HPSE: variants seen among roughly 807,000 people sequenced by gnomAD.
The protein encoded by HPSE is endo-glucoronidase.
HPSE carries 48 observed loss-of-function variants against 65.1 expected under a neutral mutation model. The observed-to-expected ratio is 0.74, with a 90% CI of 0.58 to 0.94. HPSE has a LOEUF of 0.94. HPSE is among the 40% of genes least tolerant of loss of function. The pLI, the probability that HPSE is intolerant of heterozygous loss-of-function variation, is 0.00. For synonymous variants in HPSE, 243 were observed against 260.0 expected (o/e 0.93, Z 0.63); for missense variants, 644 against 637.5 (o/e 1.01, Z -0.11).
At chr4:83,319,705 T>C (rs1315276002) in intron 2 of HPSE, among the ~76,000 whole-genome samples, 2 of 152,160 alleles carry the variant, frequency 1.3e-5, no homozygotes, top group African/African-American at 2.4e-5. Context: ...GAACATACAC[T>C]GAACATGGAT....
chr4:83,306,174 C>A, intron 9 of HPSE, 29 bp downstream of exon 9: 1 of 1,371,680 alleles, frequency 7.3e-7, no homozygotes, highest in Non-Finnish European at 1.0e-6. Flanking sequence ...ATCTACTCCA[C>A]TAGAATTAGG....
rs886531155 is a variant in HPSE, at chr4:83,319,377, A to G, written c.466T>C (p.Tyr156His). Residue 156 changes from tyrosine to histidine, a missense_variant, in exon 3 of 12, where the codon TAC becomes CAC. Tyr to His is a moderately conservative substitution (Grantham distance 83). Coordinates refer to ENST00000311412, the MANE Select transcript of HPSE (RefSeq NM_001098540.3). Reference protein sequence around the residue: ...YQEQLLLREHYQKKFKNSTYS... With the variant: ...YQEQLLLREHHQKKFKNSTYS... ...GTGCTGTTCTTGAACTTTTTCTGGT[A>G]GTGTTCTCGGAGTAGCAATTGCTCC... The G allele has an allele frequency of 3.1e-6, 5 of 1,613,884 alleles. No individual in the cohort carries two copies. Among genetic ancestry groups the G allele is most frequent in the South Asian group, 1.1e-5 (1 of 91,074 alleles).
chr4:83,301,581 T>C (rs1230363464), intron 10 of HPSE, among the ~76,000 whole-genome samples: 3 of 152,154 alleles, frequency 2.0e-5, no homozygotes. Context: ...TTCAAACCAT[T>C]CCCCTCGCTA....
intron 1 of HPSE, among the ~76,000 whole-genome samples, chr4:83,329,868 A>G (rs1463759633): frequency 6.6e-6 from 1 of 152,074 alleles, no homozygotes; most frequent in African/African-American, 2.4e-5. Context: ...AAGGGGGAGT[A>G]AGTAAGAGGG....
chr4:83,328,617 A>C (rs1451437566), intron 1 of HPSE, among the ~76,000 whole-genome samples: 1 of 152,192 alleles, frequency 6.6e-6, no homozygotes, highest in Admixed American at 6.5e-5. Flanking sequence ...ATGATGTCGG[A>C]GAGATTGATT....
chr4:83,310,194 A>T (rs1333891293), intron 5 of HPSE, 116 bp from the exon 6 acceptor site: 2 of 644,098 alleles, frequency 3.1e-6, no homozygotes, highest in Middle Eastern at 3.8e-4. Flanking sequence ...TCAGGTAAAC[A>T]CAAACTTCCT....
intron 9 of HPSE, among the ~76,000 whole-genome samples, chr4:83,305,332 C>T (rs1430319328): frequency 1.3e-5 from 2 of 152,114 alleles, no homozygotes; most frequent in East Asian, 1.9e-4. Context: ...TCCATTTTTG[C>T]AAGATCACTT....
chr4:83,301,631 C>G (rs1735952745), intron 10 of HPSE, among the ~76,000 whole-genome samples: 1 of 152,150 alleles, frequency 6.6e-6, no homozygotes. Context: ...TTCCCAGTCA[C>G]CAACAATCGG....
chr4:83,304,317 C>CT (rs1249015735), intron 9 of HPSE, among the ~76,000 whole-genome samples: 2 of 152,080 alleles, frequency 1.3e-5, no homozygotes, highest in African/African-American at 4.8e-5. Context: ...AGGAGGGGGA[C>CT]TTTTAAGATT....
At chr4:83,303,762 C>T (rs942401630) in intron 9 of HPSE, among the ~76,000 whole-genome samples, 1 of 152,030 alleles carries the variant, frequency 6.6e-6, no homozygotes, top group African/African-American at 2.4e-5. Flanking sequence ...CTCCTGGGCT[C>T]AAGTGATCCT....
At chr4:83,329,997 G>A (rs1295361848) in intron 1 of HPSE, among the ~76,000 whole-genome samples, 3 of 152,104 alleles carry the variant, frequency 2.0e-5, no homozygotes, top group Non-Finnish European at 4.4e-5. Context: ...GAGCGTGTAG[G>A]GAAGCTACCC....
intron 1 of HPSE, among the ~76,000 whole-genome samples, chr4:83,332,270 T>G (rs1162265146): frequency 6.6e-6 from 1 of 152,350 alleles, no homozygotes; most frequent in Non-Finnish European, 1.5e-5. Flanking sequence ...GCTGGGCTGT[T>G]TGGGCCCTGT....
chr4:83,299,118 C>T (rs1735837320), intron 11 of HPSE, among the ~76,000 whole-genome samples: 1 of 151,828 alleles, frequency 6.6e-6, no homozygotes, highest in Admixed American at 6.6e-5. Context: ...AATCCTAGCA[C>T]TTTGGGAGGC....
Position 83,308,883 on chromosome 4 carries a change from T to C in HPSE, c.1053A>G (p.Gly351=). ...CAAAGGTGTCGGATAGCAAGGGCGCTCCGCCTCCATATGCAGAGCTTGTTT... is the reference window on the plus strand; with the variant it reads ...CAAAGGTGTCGGATAGCAAGGGCGCCCCGCCTCCATATGCAGAGCTTGTTT... ...LGETSSAYGG[G]APLLSDTFAA... The change falls in exon 8 of 12, where the codon GGA becomes GGG. Residue 351 remains glycine (G), a synonymous_variant. Transcript: ENST00000311412. The C allele has an allele frequency of 6.2e-7, 1 of 1,614,148 alleles. No homozygotes were observed. Among genetic ancestry groups the C allele is most frequent in the East Asian group, 2.2e-5 (1 of 44,878 alleles).
upstream of HPSE, chr4:83,335,018 T>C: frequency 1.8e-6 from 1 of 567,496 alleles, no homozygotes; most frequent in Non-Finnish European, 2.9e-6. Context: ...CTTGCTCGCT[T>C]TCCCCTCGGT....
At chr4:83,333,070 G>A (rs115315951) in intron 1 of HPSE, among the ~76,000 whole-genome samples, 1,679 of 152,264 alleles carry the variant, frequency 0.011, 29 homozygotes, top group African/African-American at 0.038. Flanking sequence ...AGGGCAGAAA[G>A]TAAGGATTCT....
intron 1 of HPSE, among the ~76,000 whole-genome samples, chr4:83,327,131 G>C (rs1000513054): frequency 6.6e-6 from 1 of 152,156 alleles, no homozygotes; most frequent in Non-Finnish European, 1.5e-5. Context: ...TGACTTATCA[G>C]AATCTACCCG....
chr4:83,308,303 C>T (rs144550804), intron 8 of HPSE, among the ~76,000 whole-genome samples: 268 of 152,116 alleles, frequency 1.8e-3, no homozygotes, highest in African/African-American at 6.1e-3. Flanking sequence ...CTACTCAGGA[C>T]GCTGAGGCAG....
chr4:83,301,920 G>A (rs1430683144), intron 10 of HPSE, among the ~76,000 whole-genome samples: 1 of 152,122 alleles, frequency 6.6e-6, no homozygotes, highest in Non-Finnish European at 1.5e-5. Flanking sequence ...TTGCACCACT[G>A]CACTCCAGCC....
Sources: gnomAD v4.1 joint callset for allele counts (sites outside exome capture counted in the v4.1 genomes callset) on GRCh38, gnomAD v4.1.1 for gene constraint, MANE v1.5 for transcripts, NCBI Gene and HGNC (gene_info 2026-07-23, HGNC 2026-07-21) for gene names.